Variants in EPB41L3 observed in about 807,000 individuals in gnomAD.
The protein encoded by EPB41L3 is erythrocyte membrane protein band 4.1 like 3.
In EPB41L3, 57 loss-of-function variants were observed where a neutral mutation model predicts 127.1. That is an observed-to-expected ratio of 0.45 (90% confidence interval 0.36 to 0.56). The LOEUF (loss-of-function observed/expected upper bound fraction) is 0.56. Among genes scored for constraint, EPB41L3 ranks in the 20% least tolerant of loss-of-function variants. The pLI, the probability that EPB41L3 is intolerant of heterozygous loss-of-function variation, is 0.00. For synonymous variants in EPB41L3, 572 were observed against 549.5 expected, an observed-to-expected ratio of 1.04 and a Z score of -0.57; for missense variants, 1,273 against 1,372.2, an observed-to-expected ratio of 0.93 and a Z score of 1.14.
chr18:5,566,759 A>ATTCTG (rs1488392387), intron 3 of EPB41L3, among the ~76,000 whole-genome samples: 5 of 141,476 alleles, frequency 3.5e-5, no homozygotes, highest in Admixed American at 7.5e-5. Flanking sequence ...ATTCTATTCT[A>ATTCTG]TTCTATTCTA....
intron 3 of EPB41L3, among the ~76,000 whole-genome samples, chr18:5,460,705 C>A (rs533092759): frequency 1.3e-5 from 2 of 152,274 alleles, no homozygotes; most frequent in East Asian, 3.9e-4. Context: ...TAATCTTAAA[C>A]TGGCCCTGGA....
chr18:5,423,559 G>C lies in EPB41L3; in HGVS notation c.1164-6C>G. The C allele has an allele frequency of 6.3e-7, 1 of 1,589,790 alleles. No homozygotes were observed. Among genetic ancestry groups the C allele is most frequent in the Non-Finnish European group, 8.6e-7 (1 of 1,164,294 alleles). Reference sequence around the variant, plus strand: ...GTGCTTCTGGTAACAGTAGTCTAAAGAGAATAAAGAAAAACAGCAGAAAGA... The same window carrying C: ...GTGCTTCTGGTAACAGTAGTCTAAACAGAATAAAGAAAAACAGCAGAAAGA... On this transcript the variant is annotated splice_region_variant and splice_polypyrimidine_tract_variant and intron_variant, in intron 10 of 22. Coordinates refer to ENST00000341928, the MANE Select transcript of EPB41L3 (RefSeq NM_012307.5).
At chr18:5,595,363 C>T (rs1599187659) in intron 3 of EPB41L3, among the ~76,000 whole-genome samples, 1 of 152,258 alleles carries the variant, frequency 6.6e-6, no homozygotes, top group East Asian at 1.9e-4. Context: ...CTGACTGCTC[C>T]TCCATCAGTC....
At chr18:5,515,515 A>G (rs1160651774) in intron 1 of EPB41L3, among the ~76,000 whole-genome samples, 1 of 152,148 alleles carries the variant, frequency 6.6e-6, no homozygotes, top group Admixed American at 6.5e-5. Flanking sequence ...TGCAGAGAAC[A>G]TCAGTATTGA....
At chr18:5,436,469 C>T (rs139601067) in intron 6 of EPB41L3, among the ~76,000 whole-genome samples, 158 of 132,740 alleles carry the variant, frequency 1.2e-3, no homozygotes, top group African/African-American at 4.0e-3. Flanking sequence ...AGTGCAGTGG[C>T]GCGATCTCGG....
chr18:5,535,808 AC>A (rs1170918368), intron 1 of EPB41L3, among the ~76,000 whole-genome samples: 1 of 152,234 alleles, frequency 6.6e-6, no homozygotes, highest in Non-Finnish European at 1.5e-5. Flanking sequence ...CACATCCCTG[AC>A]GAGGTGGCAT....
At position 5,406,756 on chromosome 18, in the gene EPB41L3, A is replaced by G. The variant is rs371482862; in HGVS notation, c.2349+21T>C. ...GGCGGGTAAACAGAATACGAGTCTG[A>G]CCACAAACCTGACTACTGACCTCTT... On this transcript the variant is annotated intron_variant, in intron 16 of 22. Transcript: ENST00000341928. 1.1e-5 allele frequency: 18 copies of G among 1,602,840 alleles called. No homozygotes were observed. In the African/African-American group the frequency reaches 2.1e-4, roughly 19 times the overall value.
intron 1 of EPB41L3, among the ~76,000 whole-genome samples, chr18:5,622,135 A>G (rs988554070): frequency 6.6e-6 from 1 of 152,186 alleles, no homozygotes; most frequent in African/African-American, 2.4e-5. Flanking sequence ...TATTTTTTAA[A>G]TCATCAAAAA....
intron 1 of EPB41L3, among the ~76,000 whole-genome samples, chr18:5,502,856 T>C (rs1224345037): frequency 6.6e-6 from 1 of 151,982 alleles, no homozygotes; most frequent in African/African-American, 2.4e-5. Context: ...GAAAGGGAGG[T>C]AGTTCTTTTG....
chr18:5,576,365 G>A (rs2094336795), intron 3 of EPB41L3, among the ~76,000 whole-genome samples: 1 of 152,142 alleles, frequency 6.6e-6, no homozygotes, highest in Admixed American at 6.5e-5. Flanking sequence ...AAAGGGGTTG[G>A]GTTCCTGTCC....
At chr18:5,626,395 T>C (rs1051978690) in intron 1 of EPB41L3, among the ~76,000 whole-genome samples, 6 of 152,250 alleles carry the variant, frequency 3.9e-5, no homozygotes, top group South Asian at 2.1e-4. Context: ...CCTGACAAAA[T>C]GACCAATCAT....
At chr18:5,403,141 AAGG>A (rs1169426042) in intron 16 of EPB41L3, among the ~76,000 whole-genome samples, 1 of 152,222 alleles carries the variant, frequency 6.6e-6, no homozygotes, top group African/African-American at 2.4e-5. Flanking sequence ...TGTCATGGGA[AAGG>A]TCTGTGGACA....
chr18:5,415,967 A>T lies in EPB41L3; in HGVS notation c.1918T>A (p.Phe640Ile), dbSNP rs1252220656. 1 of 1,614,046 alleles carries T rather than the reference A, an allele frequency of 6.2e-7. No homozygotes were observed. Among genetic ancestry groups the T allele is most frequent in the Non-Finnish European group, 8.5e-7 (1 of 1,180,042 alleles). Residue 640 changes from phenylalanine to isoleucine, a missense_variant, in exon 13 of 23, where the codon TTT becomes ATT. Around this residue, in one of 3 missense-constraint regions of EPB41L3, gnomAD observed 765 missense variants for 782.9 expected, o/e 0.98. Coordinates refer to ENST00000341928, the MANE Select transcript of EPB41L3 (RefSeq NM_012307.5). ...AAGGAGGCAGACAGCAGAAAGAAAA[A>T]GATGAAGAGGAAACAGGGCACAAGG... ...PSLVPCFLFIFFFLLSASFSV... is the reference protein window; with the variant it reads ...PSLVPCFLFIIFFLLSASFSV...
intron 3 of EPB41L3, among the ~76,000 whole-genome samples, chr18:5,563,200 G>A (rs2094155964): frequency 6.6e-6 from 1 of 152,162 alleles, no homozygotes; most frequent in Non-Finnish European, 1.5e-5. Context: ...GAGAGGACGG[G>A]AACATTTTGA....
Position 5,396,342 on chromosome 18 carries a change from A to C in EPB41L3, c.2842-10T>G, listed in dbSNP as rs1203963716. 1 of 1,614,086 alleles carries C rather than the reference A, an allele frequency of 6.2e-7. No individual in the cohort carries two copies. The highest frequency in any genetic ancestry group is 1.3e-5 in the African/African-American group (1 of 75,022). On this transcript the variant is annotated splice_polypyrimidine_tract_variant and intron_variant, in intron 18 of 22. Transcript: ENST00000341928. ...TCTTCACCGTTGAGGACTGTGCCAA[A>C]GGGGAGTAAGCAGAGTGGCTGTTAT... is the stretch of plus-strand genomic sequence containing the variant.
Position 5,624,571 on chromosome 18 carries a change from C to T in EPB41L3, c.-468+4351G>A, listed in dbSNP as rs117393730. ...GTTTCCAGATAATTGCCTGTTTTTC[C>T]ACTTTGTCTTGAAAGACCTCATCAA... On this transcript the variant is annotated intron_variant, in intron 1 of 21. Coordinates refer to the EPB41L3 transcript ENST00000545076. Among the ~76,000 whole-genome samples, 383 of 152,220 alleles carry T rather than the reference C, an allele frequency of 2.5e-3. 1 individual carries two copies. Among genetic ancestry groups the T allele is most frequent in the Non-Finnish European group, 3.6e-3 (245 of 68,014 alleles).
chr18:5,531,574 T>G (rs571074987), intron 1 of EPB41L3, among the ~76,000 whole-genome samples: 23 of 151,708 alleles, frequency 1.5e-4, no homozygotes, highest in African/African-American at 5.3e-4. Flanking sequence ...AATACAAAAA[T>G]TAGCCAGGTG....
intron 3 of EPB41L3, chr18:5,570,241 A>G (rs994475234): frequency 1.3e-5 from 2 of 152,142 alleles, no homozygotes; most frequent in Non-Finnish European, 2.9e-5. Context: ...TTATATTTAG[A>G]ATGAGAATAC....
intron 3 of EPB41L3, among the ~76,000 whole-genome samples, chr18:5,579,147 T>C (rs572210329): frequency 2.0e-5 from 3 of 152,216 alleles, no homozygotes; most frequent in Non-Finnish European, 4.4e-5. Context: ...CAGAGAATTA[T>C]ATACAACAAG....
Sources: allele counts gnomAD v4.1 joint callset (sites outside exome capture counted in the v4.1 genomes callset), GRCh38; gene constraint gnomAD v4.1.1; regional missense constraint gnomAD v4.1.1; transcripts MANE v1.5; gene names NCBI Gene and HGNC (gene_info 2026-07-23, HGNC 2026-07-21).